The following DNAH5 variants were observed in gnomAD, a reference collection of about 807,000 sequenced individuals.
DNAH5 encodes the protein axonemal beta dynein heavy chain 5.
Under a neutral mutation model 518.2 loss-of-function variants are expected in DNAH5, and 372 were observed. The ratio of observed to expected loss-of-function variants is 0.72; its 90% CI spans 0.66 to 0.78. The LOEUF (loss-of-function observed/expected upper bound fraction) is 0.78, where lower values mean the gene tolerates loss of function less well. Among genes scored for constraint, DNAH5 ranks in the 30% least tolerant of loss-of-function variants. The pLI is 0.00. For missense variants in DNAH5, 5,523 were observed against 5,687.0 expected, an observed-to-expected ratio of 0.97 and a Z score of 0.93; for synonymous variants, 2,039 against 2,025.9, an observed-to-expected ratio of 1.01 and a Z score of -0.17.
At chr5:13,821,740 C>G (rs1247558087) in intron 40 of DNAH5, among the ~76,000 whole-genome samples, 1 of 152,104 alleles carries the variant, frequency 6.6e-6, no homozygotes, top group Non-Finnish European at 1.5e-5. Flanking sequence ...TTATATGCTA[C>G]AAATTACTAA....
In DNAH5 at chr5:13,864,391, C is replaced by G. The variant is rs1313036719; in HGVS notation, c.4596+6G>C. The G allele has an allele frequency of 1.2e-6, 2 of 1,613,684 alleles. No individual in the cohort carries two copies. The highest frequency in any genetic ancestry group is 3.3e-5 in the Admixed American group (2 of 60,028). ...CCTTGCAATCTTCCATCACATCATACTCTACCTCTATTTCCTCTTTATATT... is the reference window on the plus strand; with the variant it reads ...CCTTGCAATCTTCCATCACATCATAGTCTACCTCTATTTCCTCTTTATATT... On this transcript the variant is annotated splice_donor_region_variant and intron_variant, in intron 28 of 78. Coordinates refer to ENST00000265104, the MANE Select transcript of DNAH5 (RefSeq NM_001369.3).
At chr5:14,003,634 G>C (rs1263021630) in intron 1 of DNAH5, among the ~76,000 whole-genome samples, 1 of 152,200 alleles carries the variant, frequency 6.6e-6, no homozygotes, top group Non-Finnish European at 1.5e-5. Context: ...CCCATTGAGA[G>C]GTGGGGTCTC....
At position 13,885,108 on chromosome 5, in the gene DNAH5, G is replaced by A. The variant is rs1395045347; in HGVS notation, c.2864C>T (p.Ala955Val). 6.2e-7 allele frequency: 1 copy of A among 1,614,230 alleles called. No individual in the cohort carries two copies. The highest frequency in any genetic ancestry group is 2.2e-5 in the East Asian group (1 of 44,876). Residue 955 changes from alanine (A) to valine (V), a missense_variant, in exon 19 of 79, where the codon GCC becomes GTC. Coordinates refer to ENST00000265104, the MANE Select transcript of DNAH5 (RefSeq NM_001369.3). ...GTTGAAATGAGAGAGTAACTCGCGG[G>A]CTTCTTCCCCTAACATCTCAGTTTC... ...KKETEMLGEE[A>V]RELLSHFNHQ...
chr5:13,971,370 T>C (rs1781854968), intron 1 of DNAH5, among the ~76,000 whole-genome samples: 1 of 152,182 alleles, frequency 6.6e-6, no homozygotes, highest in Non-Finnish European at 1.5e-5. Flanking sequence ...TTACCAGAAT[T>C]GTTTTTCTGG....
intron 25 of DNAH5, among the ~76,000 whole-genome samples, 188 bp downstream of exon 25, chr5:13,867,586 C>A (rs1769453839): frequency 6.6e-6 from 1 of 151,076 alleles, no homozygotes; most frequent in Admixed American, 6.6e-5. Flanking sequence ...TGAAAACAGA[C>A]TAATAGAAAC....
At chr5:13,931,379 T>G (rs1460924948) in intron 1 of DNAH5, 135 bp from the exon 2 acceptor site, 2 of 851,598 alleles carry the variant, frequency 2.3e-6, no homozygotes, top group Non-Finnish European at 3.7e-6. Flanking sequence ...GTACCAATTT[T>G]TATGTACTAT....
In DNAH5 at chr5:13,931,219, G is replaced by A; in HGVS notation, c.83C>T (p.Ala28Val). 2 of 1,614,104 alleles carry A rather than the reference G, an allele frequency of 1.2e-6. No individual in the cohort carries two copies. Among genetic ancestry groups the A allele is most frequent in the African/African-American group, 2.7e-5 (2 of 75,048 alleles). Reference protein sequence around the residue: ...LTQRLKGEKEAKRALLDARHN... With the variant: ...LTQRLKGEKEVKRALLDARHN... Reference sequence around the variant, plus strand: ...CCTCGCATCCAAAAGAGCCCGCTTGGCTTCCTTCTCTCCCTTCAGTCTTTG... The same window carrying A: ...CCTCGCATCCAAAAGAGCCCGCTTGACTTCCTTCTCTCCCTTCAGTCTTTG... The change falls in exon 2 of 79, where the codon GCC becomes GTC. Residue 28 changes from alanine to valine, a missense_variant. Ala to Val is a moderately conservative substitution (Grantham distance 64). Transcript: ENST00000265104.
intron 1 of DNAH5, among the ~76,000 whole-genome samples, chr5:13,982,403 T>TATGCACTATTGCATGAGTGAGTAGACAG (rs1782739460): frequency 6.6e-6 from 1 of 152,184 alleles, no homozygotes; most frequent in African/African-American, 2.4e-5. Flanking sequence ...TGAGTAGACA[T>TATGCACTATTGCATGAGTGAGTAGACAG]ATGCACTATT....
intron 16 of DNAH5, 139 bp downstream of exon 16, chr5:13,894,511 A>G: frequency 1.1e-6 from 1 of 897,652 alleles, no homozygotes. Context: ...ATGTTTTGGA[A>G]CACTTCCTTA....
intron 41 of DNAH5, among the ~76,000 whole-genome samples, chr5:13,818,759 C>T (rs1479874963): frequency 2.0e-5 from 3 of 152,202 alleles, no homozygotes; most frequent in South Asian, 4.1e-4. Flanking sequence ...CCTGACAGAT[C>T]TTCAAAGTAT....
At chr5:13,751,605 G>A (rs185554280) in intron 64 of DNAH5, among the ~76,000 whole-genome samples, 65 of 152,198 alleles carry the variant, frequency 4.3e-4, no homozygotes, top group African/African-American at 1.4e-3. Flanking sequence ...CACATGCACC[G>A]AAAGAGTATA....
At chr5:13,959,859 C>T (rs1427081122) in intron 1 of DNAH5, among the ~76,000 whole-genome samples, 1 of 151,994 alleles carries the variant, frequency 6.6e-6, no homozygotes, top group Admixed American at 6.6e-5. Flanking sequence ...CCCAGCCACT[C>T]GGGAGGCTGA....
chr5:14,002,233 GA>G (rs1268463808), intron 1 of DNAH5, among the ~76,000 whole-genome samples: 1 of 151,954 alleles, frequency 6.6e-6, no homozygotes, highest in Non-Finnish European at 1.5e-5. Context: ...ATATAATACT[GA>G]AAAAAATCAG....
chr5:13,968,686 CT>C (rs1177415142), intron 1 of DNAH5, among the ~76,000 whole-genome samples: 1 of 152,112 alleles, frequency 6.6e-6, no homozygotes, highest in African/African-American at 2.4e-5. Flanking sequence ...GGTGAATTAT[CT>C]TTTTGATATA....
intron 24 of DNAH5, 144 bp downstream of exon 24, chr5:13,870,623 G>A (rs908993142): frequency 1.3e-6 from 1 of 796,498 alleles, no homozygotes; most frequent in Non-Finnish European, 2.1e-6. Flanking sequence ...ATGCTATAGG[G>A]GTTCGGTATC....
At chr5:13,967,542 T>C (rs888168109) in intron 1 of DNAH5, among the ~76,000 whole-genome samples, 12 of 152,248 alleles carry the variant, frequency 7.9e-5, no homozygotes, top group Non-Finnish European at 1.8e-4. Context: ...TATGTGCCTA[T>C]TTTTACACCA....
intron 67 of DNAH5, 60 bp from the exon 68 acceptor site, chr5:13,735,381 A>G: frequency 4.7e-6 from 7 of 1,499,510 alleles, no homozygotes; most frequent in Non-Finnish European, 6.5e-6. Flanking sequence ...TGTCTGTAAA[A>G]ACAATTGTCT....
intron 39 of DNAH5, 81 bp from the exon 40 acceptor site, chr5:13,823,451 A>G (rs1762485940): frequency 4.5e-6 from 4 of 894,314 alleles, no homozygotes; most frequent in Admixed American, 1.8e-5. Flanking sequence ...AATGCCCAAC[A>G]CAGTCCGGGT....
At position 13,984,537 on chromosome 5, in the gene DNAH5, T is replaced by C. The variant is rs571963270; in HGVS notation, c.12+27111A>G. ...CCCTTTATTTCTTTCTCCTGCCTGA[T>C]TGCCCTGGCCAGAACTTCCAACACT... On this transcript the variant is annotated intron_variant, in intron 1 of 78. Coordinates refer to the DNAH5 transcript ENST00000681290. 6.6e-5 allele frequency among the ~76,000 whole-genome samples: 10 copies of C among 152,354 alleles called. No individual in the cohort carries two copies. In the East Asian group the frequency reaches 1.7e-3, roughly 26 times the overall value.
Sources: allele counts gnomAD v4.1 joint callset (sites outside exome capture counted in the v4.1 genomes callset), GRCh38; gene constraint gnomAD v4.1.1; transcripts MANE v1.5; gene names NCBI Gene and HGNC (gene_info 2026-07-23, HGNC 2026-07-21).